OSBPL1A: variants seen among roughly 807,000 people sequenced by gnomAD.
The protein encoded by OSBPL1A is oxysterol-binding protein-related protein 1.
Under a neutral mutation model 137.1 loss-of-function variants are expected in OSBPL1A, and 80 were observed. That is an observed-to-expected ratio of 0.58 (90% confidence interval 0.49 to 0.70). The LOEUF (loss-of-function observed/expected upper bound fraction) is 0.70, where lower values mean the gene tolerates loss of function less well. Among genes scored for constraint, OSBPL1A ranks in the 30% least tolerant of loss-of-function variants. The pLI, the probability that OSBPL1A is intolerant of heterozygous loss-of-function variation, is 0.00. For missense variants in OSBPL1A, 970 were observed against 1,129.4 expected (o/e 0.86, Z 2.02); for synonymous variants, 365 against 389.7 (o/e 0.94, Z 0.75).
intron 17 of OSBPL1A, among the ~76,000 whole-genome samples, chr18:24,221,320 A>T (rs2087882064): frequency 6.6e-6 from 1 of 152,184 alleles, no homozygotes; most frequent in Non-Finnish European, 1.5e-5. Context: ...CCTGCGGCTA[A>T]GAACTAGAAT....
chr18:24,367,228 T>TTATATATATATATA (rs35876308), intron 3 of OSBPL1A, among the ~76,000 whole-genome samples: 1 of 147,092 alleles, frequency 6.8e-6, no homozygotes, highest in Non-Finnish European at 1.5e-5. Context: ...AGACTCCATC[T>TTATATATATATATA]TATATATATA....
At chr18:24,261,728 A>G (rs1281659765) in intron 15 of OSBPL1A, among the ~76,000 whole-genome samples, 1 of 151,992 alleles carries the variant, frequency 6.6e-6, no homozygotes, top group Non-Finnish European at 1.5e-5. Flanking sequence ...AGCTATGAGG[A>G]AGGCTAACTT....
chr18:24,183,490 AG>A (rs1567927446), intron 18 of OSBPL1A, among the ~76,000 whole-genome samples: 1 of 150,784 alleles, frequency 6.6e-6, no homozygotes, highest in African/African-American at 2.4e-5. Context: ...TGGAGTGCAA[AG>A]GCGCGATCTC....
chr18:24,167,776 T>A (rs1377557596), intron 24 of OSBPL1A, among the ~76,000 whole-genome samples: 1 of 152,258 alleles, frequency 6.6e-6, no homozygotes. Context: ...TAATGATTTC[T>A]TAGAACATAT....
chr18:24,368,910 G>A (rs1599723667), intron 2 of OSBPL1A, among the ~76,000 whole-genome samples: 1 of 152,232 alleles, frequency 6.6e-6, no homozygotes, highest in Non-Finnish European at 1.5e-5. Flanking sequence ...CAGGGGCCTG[G>A]TGGGAGGTGA....
In OSBPL1A at chr18:24,271,110, C is replaced by T. The variant is rs975707140; in HGVS notation, c.1281+9732G>A. Among the ~76,000 whole-genome samples, 4 of 152,202 alleles carry T rather than the reference C, an allele frequency of 2.6e-5. No individual in the cohort carries two copies. Among genetic ancestry groups the T allele is most frequent in the African/African-American group, 9.6e-5 (4 of 41,452 alleles). ...TAAAGTTAAAAGCCACCTCCCCATTCCCCAACACAAATAGAATTTCCCTTT... is the reference window on the plus strand; with the variant it reads ...TAAAGTTAAAAGCCACCTCCCCATTTCCCAACACAAATAGAATTTCCCTTT... On this transcript the variant is annotated intron_variant, in intron 15 of 27. Transcript: ENST00000319481. The surrounding 1 kb of genome is among the most constrained non-coding windows in gnomAD (Gnocchi z 4.0).
chr18:24,189,782 C>T (rs922285229), intron 18 of OSBPL1A, among the ~76,000 whole-genome samples: 3 of 152,192 alleles, frequency 2.0e-5, no homozygotes, highest in African/African-American at 7.2e-5. Flanking sequence ...TAGCTGCCTG[C>T]GGCCGCTCTG....
intron 4 of OSBPL1A, among the ~76,000 whole-genome samples, chr18:24,345,550 G>A (rs895481832): frequency 7.2e-5 from 11 of 152,144 alleles, no homozygotes; most frequent in Non-Finnish European, 1.3e-4. Flanking sequence ...GCCAGGCGTA[G>A]TGGCGCACAC....
intron 14 of OSBPL1A, among the ~76,000 whole-genome samples, chr18:24,283,326 A>G (rs1439227730): frequency 4.8e-5 from 7 of 145,542 alleles, no homozygotes; most frequent in African/African-American, 1.8e-4. Context: ...ACACACACAC[A>G]GACACACACA....
chr18:24,390,224 A>G (rs1373172291), intron 1 of OSBPL1A, among the ~76,000 whole-genome samples: 1 of 152,206 alleles, frequency 6.6e-6, no homozygotes. Flanking sequence ...AAAATTAAAC[A>G]CATAATTACC....
At chr18:24,324,785 T>TAA (rs1426860005) in intron 7 of OSBPL1A, among the ~76,000 whole-genome samples, 1,310 of 95,052 alleles carry the variant, frequency 0.014, 34 homozygotes, top group African/African-American at 0.049. Context: ...CTCTGTCTAT[T>TAA]AAAAAAAAAA....
chr18:24,293,620 G>C (rs2090232164), intron 14 of OSBPL1A, among the ~76,000 whole-genome samples: 1 of 152,176 alleles, frequency 6.6e-6, no homozygotes, highest in Non-Finnish European at 1.5e-5. Context: ...CGCCACTCAG[G>C]AGAAAAGCCT....
intron 7 of OSBPL1A, among the ~76,000 whole-genome samples, chr18:24,327,050 T>C (rs937748008): frequency 6.6e-6 from 1 of 152,168 alleles, no homozygotes; most frequent in East Asian, 1.9e-4. Flanking sequence ...TTTTTTCTTT[T>C]TTCCTATTTT....
chr18:24,356,168 T>C (rs2091531483), intron 4 of OSBPL1A, among the ~76,000 whole-genome samples: 1 of 112,374 alleles, frequency 8.9e-6, no homozygotes, highest in Non-Finnish European at 1.8e-5. Flanking sequence ...AGGGCAAGAC[T>C]CCATCTCAAA....
intron 18 of OSBPL1A, among the ~76,000 whole-genome samples, chr18:24,194,671 C>T (rs746251953): frequency 7.2e-5 from 11 of 152,082 alleles, no homozygotes; most frequent in African/African-American, 2.2e-4. Context: ...ATTTATTGAG[C>T]GCAACGTTAA....
At chr18:24,360,318 C>G (rs1264660365) in intron 4 of OSBPL1A, among the ~76,000 whole-genome samples, 1 of 152,126 alleles carries the variant, frequency 6.6e-6, no homozygotes, top group East Asian at 1.9e-4. Context: ...GTTTAAAGTG[C>G]TTTATAATAA....
intron 15 of OSBPL1A, among the ~76,000 whole-genome samples, chr18:24,278,702 G>T (rs1009077141): frequency 1.3e-5 from 2 of 152,082 alleles, no homozygotes; most frequent in African/African-American, 4.8e-5. Context: ...GAAAGCTATC[G>T]ATACATCCAT....
In OSBPL1A at chr18:24,353,138, A is replaced by G. The variant is rs554355090; in HGVS notation, c.283-11480T>C. 6.6e-5 allele frequency among the ~76,000 whole-genome samples: 10 copies of G among 152,318 alleles called. No homozygotes were observed. In the South Asian group the frequency reaches 1.7e-3, roughly 25 times the overall value. On this transcript the variant is annotated intron_variant, in intron 4 of 27. Transcript: ENST00000319481. ...CATCAGAGTGAACAGGCAACCTACA[A>G]AATGGGAGAAGATTTTTGCAACCTA...
At chr18:24,257,865 C>T (rs2089329138) in intron 15 of OSBPL1A, among the ~76,000 whole-genome samples, 1 of 152,084 alleles carries the variant, frequency 6.6e-6, no homozygotes, top group Non-Finnish European at 1.5e-5. Flanking sequence ...GGAAAACAGG[C>T]ATATGAAAAG....
Sources: allele counts gnomAD v4.1 joint callset (sites outside exome capture counted in the v4.1 genomes callset), GRCh38; gene constraint gnomAD v4.1.1; non-coding constraint Gnocchi (gnomAD v3.1); transcripts MANE v1.5; gene names NCBI Gene and HGNC (gene_info 2026-07-23, HGNC 2026-07-21).